The following TENM2 variants were observed in gnomAD, a reference collection of about 807,000 sequenced individuals.
The protein encoded by TENM2 is teneurin transmembrane protein 2, also known as teneurin-2.
A neutral mutation model predicts 245.2 loss-of-function variants in TENM2; 52 were observed. The observed-to-expected ratio is 0.21, with a 90% confidence interval of 0.17 to 0.27. The LOEUF is 0.27. Ranked by LOEUF, TENM2 falls within the 10% of genes least tolerant of loss-of-function variation. The pLI is 1.00. For missense variants in TENM2, 3,046 were observed against 3,666.8 expected (o/e 0.83, Z 4.37); for synonymous variants, 1,363 against 1,438.9 (o/e 0.95, Z 1.19).
At chr5:167,987,346 A>G (rs1238739078) in intron 4 of TENM2, among the ~76,000 whole-genome samples, 2 of 143,796 alleles carry the variant, frequency 1.4e-5, no homozygotes, top group Non-Finnish European at 3.0e-5. Context: ...TTTTTTTTTT[A>G]GTTGGAGTTT....
At chr5:167,114,183 A>G in the TENM2 span, among the ~76,000 whole-genome samples, 1 of 152,166 alleles carries the variant, frequency 6.6e-6, no homozygotes, top group Non-Finnish European at 1.5e-5. Flanking sequence ...TCTGTCTCTC[A>G]TGCATTCATC....
intron 2 of TENM2, among the ~76,000 whole-genome samples, chr5:167,770,415 C>T (rs72832012): frequency 0.11 from 16,126 of 152,056 alleles, 1,414 homozygotes; most frequent in East Asian, 0.4. Context: ...TCTGGAGAAG[C>T]GATAAGAACC....
intron 6 of TENM2, among the ~76,000 whole-genome samples, chr5:168,059,618 TCTTTTTATTTATATC>T (rs1263635517): frequency 3.9e-5 from 6 of 152,156 alleles, no homozygotes; most frequent in African/African-American, 1.4e-4. Context: ...TTATATTCCT[TCTTTTTATTTATATC>T]CTTTTTATTA....
At position 168,211,029 on chromosome 5, in the gene TENM2, A is replaced by G. The variant is rs1762768006; in HGVS notation, c.3825-705A>G. 2.0e-5 allele frequency among the ~76,000 whole-genome samples: 3 copies of G among 152,244 alleles called. No individual in the cohort carries two copies. The South Asian group carries it at 6.2e-4, about 31-fold the overall frequency. ...ATTCCAAGAGGATATTATTACCTAT[A>G]AATTTCATTTATGGACGTTATTGCA... is the stretch of plus-strand genomic sequence containing the variant. On this transcript the variant is annotated intron_variant, in intron 19 of 28. Transcript: ENST00000518659.
chr5:167,523,440 A>G (rs1304822034), intron 2 of TENM2, among the ~76,000 whole-genome samples: 1 of 152,086 alleles, frequency 6.6e-6, no homozygotes, highest in Non-Finnish European at 1.5e-5. Flanking sequence ...GATTCGATTC[A>G]ATTCAATTCA....
intron 2 of TENM2, among the ~76,000 whole-genome samples, chr5:167,426,030 G>A (rs930612748): frequency 2.6e-5 from 4 of 152,020 alleles, no homozygotes; most frequent in African/African-American, 9.7e-5. Context: ...CTCATAACCT[G>A]CCACCCTCCT....
intron 5 of TENM2, among the ~76,000 whole-genome samples, chr5:168,002,824 A>G (rs1784510362): frequency 6.6e-6 from 1 of 152,224 alleles, no homozygotes; most frequent in Non-Finnish European, 1.5e-5. Context: ...TCCACTGGGC[A>G]AGAAATTTCA....
intron 25 of TENM2, chr5:168,230,825 TA>T (rs1764818235): frequency 6.6e-6 from 1 of 152,146 alleles, no homozygotes; most frequent in Non-Finnish European, 1.5e-5. Flanking sequence ...GAGAAGACAA[TA>T]TTAGTAGTGT....
At chr5:168,249,528 A>C (rs780149611) in intron 27 of TENM2, among the ~76,000 whole-genome samples, 1 of 152,022 alleles carries the variant, frequency 6.6e-6, no homozygotes, top group Non-Finnish European at 1.5e-5. Flanking sequence ...AGAAGGGCTC[A>C]TGTCAAAATG....
intron 7 of TENM2, among the ~76,000 whole-genome samples, chr5:168,064,724 C>T (rs1383354668): frequency 6.6e-6 from 1 of 152,166 alleles, no homozygotes; most frequent in Non-Finnish European, 1.5e-5. Context: ...AATGAATAGG[C>T]ATGGGCTGAT....
chr5:167,181,537 A>G, the TENM2 span, among the ~76,000 whole-genome samples: 1 of 146,822 alleles, frequency 6.8e-6, no homozygotes, highest in Non-Finnish European at 1.5e-5. Context: ...TCCCACCTTT[A>G]GGTCAACACA....
intron 2 of TENM2, among the ~76,000 whole-genome samples, chr5:167,812,187 C>G (rs1284652411): frequency 6.6e-6 from 1 of 152,108 alleles, no homozygotes; most frequent in African/African-American, 2.4e-5. Context: ...AGTATTCCTG[C>G]AGCACAAAGT....
exon 29 of TENM2, chr5:168,262,403 C>T (rs1209562198): frequency 3.8e-6 from 6 of 1,588,998 alleles, no homozygotes; most frequent in African/African-American, 2.7e-5. Flanking sequence ...CACCATCGGC[C>T]GCAAGGTGCT....
intron 14 of TENM2, among the ~76,000 whole-genome samples, chr5:168,193,443 T>G (rs961402338): frequency 6.6e-6 from 1 of 152,222 alleles, no homozygotes; most frequent in Non-Finnish European, 1.5e-5. Context: ...TTGTTACACA[T>G]CAATAATCAT....
chr5:167,956,919 T>TC (rs1780606310), intron 4 of TENM2, among the ~76,000 whole-genome samples: 2 of 152,202 alleles, frequency 1.3e-5, no homozygotes, highest in African/African-American at 4.8e-5. Flanking sequence ...GCAGGGATAT[T>TC]GGCCTGAACT....
intron 2 of TENM2, among the ~76,000 whole-genome samples, chr5:167,635,346 C>T (rs1468756334): frequency 6.6e-6 from 1 of 151,962 alleles, no homozygotes; most frequent in South Asian, 2.1e-4. Flanking sequence ...TTTGTTTTTT[C>T]CTTCTCTCCC....
intron 2 of TENM2, among the ~76,000 whole-genome samples, chr5:167,629,236 T>C (rs1778710186): frequency 6.6e-6 from 1 of 152,338 alleles, no homozygotes; most frequent in Admixed American, 6.5e-5. Flanking sequence ...AATCCTGGTT[T>C]ACTACTTTCT....
At chr5:168,017,149 G>T (rs901065111) in intron 5 of TENM2, among the ~76,000 whole-genome samples, 2 of 152,172 alleles carry the variant, frequency 1.3e-5, no homozygotes, top group Non-Finnish European at 2.9e-5. Context: ...TTTCACCAAA[G>T]TAAAAGGAAG....
chr5:167,973,970 C>A (rs1017506396), intron 4 of TENM2, among the ~76,000 whole-genome samples: 1 of 140,674 alleles, frequency 7.1e-6, no homozygotes, highest in Non-Finnish European at 1.5e-5. Flanking sequence ...TTGAAGTTAA[C>A]CAGTGCCTCT....
Sources: gnomAD v4.1 joint callset for allele counts (sites outside exome capture counted in the v4.1 genomes callset) on GRCh38, gnomAD v4.1.1 for gene constraint, MANE v1.5 for transcripts, NCBI Gene and HGNC (gene_info 2026-07-23, HGNC 2026-07-21) for gene names.